Variants in MYT1 observed in about 807,000 individuals in gnomAD.
The protein encoded by MYT1 is myelin transcription factor I.
A neutral mutation model predicts 123.0 loss-of-function variants in MYT1; 23 were observed. The observed-to-expected ratio is 0.19, with a 90% confidence interval of 0.13 to 0.26. The LOEUF is 0.26. Ranked by LOEUF, MYT1 falls within the 10% of genes least tolerant of loss-of-function variation. The probability of loss-of-function intolerance (pLI) is 1.00; values close to 1 mark genes in which losing one functional copy is unlikely to be tolerated. For synonymous variants in MYT1, 518 were observed against 575.3 expected, an observed-to-expected ratio of 0.90 and a Z score of 1.43; for missense variants, 1,125 against 1,472.5, an observed-to-expected ratio of 0.76 and a Z score of 3.86.
At chr20:64,180,646 T>C (rs1382586382) in intron 1 of MYT1, among the ~76,000 whole-genome samples, 1 of 152,234 alleles carries the variant, frequency 6.6e-6, no homozygotes, top group Non-Finnish European at 1.5e-5. Context: ...GTTCACAGGG[T>C]GTGGGCCAGG....
rs773914270 is a variant in MYT1 at position 64,211,331 on chromosome 20, C to T, written c.1417C>T (p.Pro473Ser). The T allele has an allele frequency of 4.3e-6, 7 of 1,613,194 alleles. No individual in the cohort carries two copies. In the East Asian group the frequency reaches 1.1e-4, roughly 26 times the overall value. ...LSGCPHKDRI[P>S]PEILAMHENV... ...TGGCTGTCCCCACAAGGATAGGATC[C>T]CCCCAGAGAGTGAGTAGCTCTGTGC... Residue 473 changes from proline to serine, a missense_variant, in exon 8 of 23, where the codon CCC becomes TCC. Coordinates refer to ENST00000328439, the MANE Select transcript of MYT1 (RefSeq NM_004535.3).
At chr20:64,227,363 C>T (rs929721698) in intron 16 of MYT1, 52 bp from the exon 17 acceptor site, 51 of 1,579,810 alleles carry the variant, frequency 3.2e-5, no homozygotes, top group Admixed American at 2.9e-4. Flanking sequence ...GGCTCTGGGC[C>T]GGGGCTAAAC....
rs372509892 is a variant in MYT1, at chr20:64,208,320, G to A, written c.1124G>A (p.Arg375Gln). The A allele has an allele frequency of 1.5e-5, 25 of 1,614,032 alleles. No individual in the cohort carries two copies. Among genetic ancestry groups the A allele is most frequent in the East Asian group, 4.5e-5 (2 of 44,894 alleles). Residue 375 changes from arginine to glutamine, a missense_variant, in exon 7 of 23, where the codon CGG becomes CAG. Arg to Gln is a conservative substitution (Grantham distance 43). This residue lies in a region of MYT1 where 429 missense variants were observed against 604.1 expected (regional missense o/e 0.71). Coordinates refer to ENST00000328439, the MANE Select transcript of MYT1 (RefSeq NM_004535.3). The surrounding 1 kb of genome is among the most constrained non-coding windows in gnomAD (Gnocchi z 5.4). ...TCGGAGATGCAGGACATGATGACCC[G>A]GGGAAACCTGGGCCTCCTGGAGCAG... ...DESEMQDMMT[R>Q]GNLGLLEQAI...
rs1028141340 is a variant in MYT1 at position 64,221,826 on chromosome 20, C to T, written c.2242-67C>T. 5 of 1,563,528 alleles carry T rather than the reference C, an allele frequency of 3.2e-6. No homozygotes were observed. The African/African-American group carries it at 6.8e-5, about 21-fold the overall frequency. On this transcript the variant is annotated intron_variant, in intron 13 of 22. Coordinates refer to ENST00000328439, the MANE Select transcript of MYT1 (RefSeq NM_004535.3). ...GTCCTGAAGGGTCCCTCTCCCTCGC[C>T]CACTGGGTTGGGCGCCCAGGCCTCC...
chr20:64,189,057 A>AG lies in MYT1; in HGVS notation c.-98-1005dup, dbSNP rs1437387586. 5.3e-5 allele frequency among the ~76,000 whole-genome samples: 8 copies of AG among 152,248 alleles called. No individual in the cohort carries two copies. The highest frequency in any genetic ancestry group is 1.9e-4 in the African/African-American group (8 of 41,466). On this transcript the variant is annotated intron_variant, in intron 1 of 22. Coordinates refer to ENST00000328439, the MANE Select transcript of MYT1 (RefSeq NM_004535.3). The surrounding 1 kb of genome is among the most constrained non-coding windows in gnomAD (Gnocchi z 5.5). Reference sequence around the variant, plus strand: ...GGGATGGAAGCATTTCCAGATAAGAAGAGGGTGCTGTGGCCAGAGGCACAG... The same window carrying AG: ...GGGATGGAAGCATTTCCAGATAAGAAGGAGGGTGCTGTGGCCAGAGGCACAG...
In MYT1 at chr20:64,167,393, A is replaced by C. The variant is rs938416980; in HGVS notation, c.-99+2654A>C. ...CCCTCTGTCGGGGCTCAGGGTGGGGATGAGACCGGGAACAACCAGAACACT... is the reference window on the plus strand; with the variant it reads ...CCCTCTGTCGGGGCTCAGGGTGGGGCTGAGACCGGGAACAACCAGAACACT... On this transcript the variant is annotated intron_variant, in intron 1 of 22. Transcript: ENST00000328439. The surrounding 1 kb of genome is among the most constrained non-coding windows in gnomAD (Gnocchi z 6.3). Among the ~76,000 whole-genome samples the C allele has an allele frequency of 1.3e-5, 2 of 152,076 alleles. No individual in the cohort carries two copies. Among genetic ancestry groups the C allele is most frequent in the Non-Finnish European group, 2.9e-5 (2 of 68,016 alleles).
At chr20:64,211,398 G>A in intron 8 of MYT1, 58 bp downstream of exon 8, 1 of 1,553,646 alleles carries the variant, frequency 6.4e-7, no homozygotes, top group Non-Finnish European at 8.8e-7. Context: ...CCTCTGTGGT[G>A]TTTGGGTGGT....
rs569710917 is a variant in MYT1, at chr20:64,229,976, C to T, written c.2675+2005C>T. On this transcript the variant is annotated intron_variant, in intron 18 of 22. Transcript: ENST00000328439. ...CACACACGGCTTCTGCCCCCCAACA[C>T]GTGATAGGAAACACTAGCTCACCCA... Among the ~76,000 whole-genome samples the T allele has an allele frequency of 3.5e-4, 54 of 152,262 alleles. 2 individuals are homozygous for T. In the East Asian group the frequency reaches 9.3e-3, roughly 26 times the overall value.
In MYT1 at chr20:64,213,621, T is replaced by C; in HGVS notation, c.1605T>C (p.Ser535=). The change falls in exon 10 of 23, where the codon AGT becomes AGC. Residue 535 remains serine, a synonymous_variant. Coordinates refer to ENST00000328439, the MANE Select transcript of MYT1 (RefSeq NM_004535.3). This position sits in a 1 kb window ranked among gnomAD's most constrained non-coding sequence, Gnocchi z 5.6. ...QQPQTGDPSK[S]SSNSDRILRP... ...CGCAGACAGGAGATCCTTCCAAGAG[T>C]AGCTCCAATTCCGATCGGATCCTCA... 4 of 1,613,644 alleles carry C rather than the reference T, an allele frequency of 2.5e-6. No individual in the cohort carries two copies. The highest frequency in any genetic ancestry group is 3.4e-6 in the Non-Finnish European group (4 of 1,179,918).
intron 11 of MYT1, among the ~76,000 whole-genome samples, chr20:64,217,869 AC>A (rs1232690022): frequency 6.6e-6 from 1 of 152,248 alleles, no homozygotes; most frequent in Non-Finnish European, 1.5e-5. Flanking sequence ...AATCATTCCT[AC>A]AAATCTTTAA....
rs1271755043 is a variant in MYT1 at position 64,189,522 on chromosome 20, C to G, written c.-98-541C>G. On this transcript the variant is annotated intron_variant, in intron 1 of 22. Transcript: ENST00000328439. The surrounding 1 kb of genome is among the most constrained non-coding windows in gnomAD (Gnocchi z 5.5). The stretch of plus-strand genomic sequence containing the variant: ...AGGGCAAAGAGCATGCTGGGGCCCC[C>G]GGGATCCTGCGGGAGGCAAAGCTGA... Among the ~76,000 whole-genome samples, 1 of 152,176 alleles carries G rather than the reference C, an allele frequency of 6.6e-6. No homozygotes were observed. The highest frequency in any genetic ancestry group is 1.5e-5 in the Non-Finnish European group (1 of 68,022).
intron 7 of MYT1, 138 bp from the exon 8 acceptor site, chr20:64,211,068 G>T: frequency 1.1e-6 from 1 of 939,304 alleles, no homozygotes; most frequent in Non-Finnish European, 1.5e-6. Flanking sequence ...TCCAGCCCCA[G>T]TCCCTGTTCA....
At chr20:64,227,554 C>A in intron 17 of MYT1, 77 bp downstream of exon 17, 1 of 1,314,152 alleles carries the variant, frequency 7.6e-7, no homozygotes, top group Non-Finnish European at 1.1e-6. Context: ...GATTAGAAGA[C>A]ACTAATGTTG....
At position 64,207,976 on chromosome 20, in the gene MYT1, G is replaced by A. The variant is rs962940761; in HGVS notation, c.780G>A (p.Glu260=). The change falls in exon 7 of 23, where the codon GAG becomes GAA. Residue 260 remains glutamate, a synonymous_variant. Coordinates refer to ENST00000328439, the MANE Select transcript of MYT1 (RefSeq NM_004535.3). ...KQKGILSHEE[E]DEEEEEEEEE... is the part of the protein sequence containing the mutation. ...AAGGCATCCTGAGTCACGAAGAGGA[G>A]GACGAGGAGGAGGAGGAGGAGGAAG... 5.0e-6 allele frequency: 8 copies of A among 1,604,308 alleles called. No homozygotes were observed. Among genetic ancestry groups the A allele is most frequent in the Non-Finnish European group, 6.8e-6 (8 of 1,176,042 alleles).
chr20:64,187,539 G>A (rs866961749), intron 1 of MYT1, among the ~76,000 whole-genome samples: 4 of 152,300 alleles, frequency 2.6e-5, no homozygotes, highest in Non-Finnish European at 5.9e-5. Context: ...ACGTGGCCCC[G>A]GCATGTTGTT....
rs1319531398 is a variant in MYT1, at chr20:64,218,620, T to C, written c.1847-291T>C. On this transcript the variant is annotated intron_variant, in intron 11 of 22. Transcript: ENST00000328439. The surrounding 1 kb of genome is among the most constrained non-coding windows in gnomAD (Gnocchi z 4.0). Reference sequence around the variant, plus strand: ...ATTTTCACTGAGCCAGAAACAAGATTGTCTCCTCAGTCCCCTAGAGGAGGG... The same window carrying C: ...ATTTTCACTGAGCCAGAAACAAGATCGTCTCCTCAGTCCCCTAGAGGAGGG... Among the ~76,000 whole-genome samples the C allele has an allele frequency of 6.6e-6, 1 of 152,128 alleles. No homozygotes were observed. The highest frequency in any genetic ancestry group is 6.5e-5 in the Admixed American group (1 of 15,280).
At position 64,213,925 on chromosome 20, in the gene MYT1, C is replaced by T. The variant is rs912343940; in HGVS notation, c.1631+278C>T. On this transcript the variant is annotated intron_variant, in intron 10 of 22. Transcript: ENST00000328439. This position sits in a 1 kb window ranked among gnomAD's most constrained non-coding sequence, Gnocchi z 5.6. The stretch of plus-strand genomic sequence containing the variant: ...ACTCCTGCACAGTTGCCTCTGCCTC[C>T]GACATGGGGCTCTGCCTCCTTGGAG... Among the ~76,000 whole-genome samples, 38 of 150,230 alleles carry T rather than the reference C, an allele frequency of 2.5e-4. No individual in the cohort carries two copies. The highest frequency in any genetic ancestry group is 1.8e-3 in the Admixed American group (27 of 15,090).
chr20:64,201,947 TCTGCGTGTCGGGAACCC>T (rs1568708099), intron 4 of MYT1, among the ~76,000 whole-genome samples: 10 of 30,846 alleles, frequency 3.2e-4, no homozygotes, highest in South Asian at 2.1e-3. Context: ...GTCGGGAACC[TCTGCGTGTCGGGAACCC>T]CCGCGTGTCG....
At chr20:64,211,435 G>A in intron 8 of MYT1, 95 bp downstream of exon 8, 1 of 1,295,824 alleles carries the variant, frequency 7.7e-7, no homozygotes. Context: ...GGCCTGCCCA[G>A]GGCCATAACC....
Sources: gnomAD v4.1 joint callset for allele counts (sites outside exome capture counted in the v4.1 genomes callset) on GRCh38, gnomAD v4.1.1 for gene constraint, gnomAD v4.1.1 regional missense constraint, Gnocchi (gnomAD v3.1) non-coding constraint, MANE v1.5 for transcripts, NCBI Gene and HGNC (gene_info 2026-07-23, HGNC 2026-07-21) for gene names.